Variants in TRIP12 observed in about 807,000 individuals in gnomAD.
TRIP12 encodes thyroid hormone receptor interactor 12, also known as E3 ubiquitin-protein ligase TRIP12.
Under a neutral mutation model 244.2 loss-of-function variants are expected in TRIP12, and 25 were observed. The observed-to-expected ratio is 0.10, with a 90% confidence interval of 0.07 to 0.14. The LOEUF is 0.14. Among genes scored for constraint, TRIP12 ranks in the 10% least tolerant of loss-of-function variants. The pLI is 1.00. For missense variants in TRIP12, 1,677 were observed against 2,486.4 expected (o/e 0.67, Z 6.92); for synonymous variants, 905 against 873.1 (o/e 1.04, Z -0.64).
intron 2 of TRIP12, among the ~76,000 whole-genome samples, chr2:229,875,398 G>A (rs2063405672): frequency 6.6e-6 from 1 of 152,174 alleles, no homozygotes. Flanking sequence ...GAAAAAAACA[G>A]AGTGGGTCAA....
intron 21 of TRIP12, 40 bp from the exon 22 acceptor site, chr2:229,799,423 ACT>A (rs750029349): frequency 1.3e-6 from 2 of 1,541,770 alleles, no homozygotes; most frequent in Admixed American, 3.3e-5. Context: ...AGCAATTACC[ACT>A]GTTTTATATC....
intron 15 of TRIP12, 135 bp from the exon 16 acceptor site, chr2:229,808,504 T>TA: frequency 1.6e-6 from 1 of 627,466 alleles, no homozygotes; most frequent in East Asian, 2.9e-5. Context: ...GAAATTAATG[T>TA]AAAAAATGCA....
chr2:229,840,744 G>A, intron 5 of TRIP12, 78 bp downstream of exon 5: 2 of 986,080 alleles, frequency 2.0e-6, no homozygotes, highest in Non-Finnish European at 1.5e-6. Context: ...AACCTATGGA[G>A]TTAAGTATTT....
At chr2:229,922,650 A>C (rs775007256), upstream of TRIP12, 1 of 1,599,946 alleles carries the variant, frequency 6.3e-7, no homozygotes, top group South Asian at 1.1e-5. Flanking sequence ...CTAACTCCCT[A>C]CCTGGCCCGG....
At chr2:229,791,045 C>T in intron 30 of TRIP12, 79 bp downstream of exon 30, 1 of 1,570,176 alleles carries the variant, frequency 6.4e-7, no homozygotes. Flanking sequence ...CTACTAAATC[C>T]AAATCACTCT....
At chr2:229,849,430 A>G (rs1037426351) in intron 4 of TRIP12, among the ~76,000 whole-genome samples, 1 of 152,146 alleles carries the variant, frequency 6.6e-6, no homozygotes, top group Non-Finnish European at 1.5e-5. Flanking sequence ...TAAGGGGAAC[A>G]CAACAGGGAT....
intron 2 of TRIP12, among the ~76,000 whole-genome samples, chr2:229,864,003 A>T (rs1216923352): frequency 1.3e-5 from 1 of 76,372 alleles, no homozygotes; most frequent in African/African-American, 5.0e-5. Flanking sequence ...GATTTGGGTG[A>T]AAGAGAGAGA....
intron 5 of TRIP12, among the ~76,000 whole-genome samples, chr2:229,837,700 T>C (rs1194042956): frequency 6.6e-6 from 1 of 151,984 alleles, no homozygotes; most frequent in Non-Finnish European, 1.5e-5. Context: ...GGAAAAAAAT[T>C]TCCCAGCCCG....
At chr2:229,897,476 C>T (rs2069184438) in intron 1 of TRIP12, among the ~76,000 whole-genome samples, 1 of 152,066 alleles carries the variant, frequency 6.6e-6, no homozygotes, top group Admixed American at 6.6e-5. Flanking sequence ...GGTGAAACCT[C>T]GTCTCTACTA....
At chr2:229,902,929 T>G (rs1258804932) in intron 1 of TRIP12, among the ~76,000 whole-genome samples, 1 of 152,080 alleles carries the variant, frequency 6.6e-6, no homozygotes, top group Non-Finnish European at 1.5e-5. Context: ...AGACTGCATA[T>G]TAGAAGAATT....
chr2:229,817,214 T>C (rs753863692), intron 9 of TRIP12, among the ~76,000 whole-genome samples: 16 of 152,362 alleles, frequency 1.1e-4, no homozygotes, highest in Admixed American at 5.2e-4. Flanking sequence ...GTATAAATCA[T>C]AACTTCATTT....
chr2:229,836,550 T>G (rs1464122229), intron 6 of TRIP12, among the ~76,000 whole-genome samples: 1 of 152,224 alleles, frequency 6.6e-6, no homozygotes. Context: ...CCTTACATTT[T>G]TACTATGAAT....
At position 229,848,865 on chromosome 2, in the gene TRIP12, A is replaced by C. The variant is rs553862127; in HGVS notation, c.1028-7938T>G. Among the ~76,000 whole-genome samples, 6 of 152,376 alleles carry C rather than the reference A, an allele frequency of 3.9e-5. No homozygotes were observed. The South Asian group carries it at 1.2e-3, about 32-fold the overall frequency. On this transcript the variant is annotated intron_variant, in intron 4 of 41. Coordinates refer to ENST00000675903, the MANE Select transcript of TRIP12 (RefSeq NM_001348323.3). The stretch of plus-strand genomic sequence containing the variant: ...CCCAACCCAGAACTCTATATTCACC[A>C]ATCTGGCAAATAAATATCAGGGTGG...
chr2:229,786,564 A>ATTTTTTTTTT (rs34969936), intron 33 of TRIP12, among the ~76,000 whole-genome samples: 7 of 78,022 alleles, frequency 9.0e-5, no homozygotes, highest in African/African-American at 1.6e-4. Flanking sequence ...CGCCCAGATA[A>ATTTTTTTTTT]TTTTTTTTTT....
intron 34 of TRIP12, among the ~76,000 whole-genome samples, chr2:229,782,807 T>C (rs2038691614): frequency 6.6e-6 from 1 of 152,204 alleles, no homozygotes; most frequent in Non-Finnish European, 1.5e-5. Context: ...ACTCAGTTCA[T>C]GAACTCAGTC....
upstream of TRIP12, chr2:229,922,693 A>G: frequency 7.0e-7 from 1 of 1,436,108 alleles, no homozygotes; most frequent in Non-Finnish European, 9.6e-7. Flanking sequence ...TGCTAGGCCA[A>G]GAGCAACCGT....
chr2:229,902,591 T>C (rs1327414972), intron 1 of TRIP12, among the ~76,000 whole-genome samples: 2 of 152,202 alleles, frequency 1.3e-5, no homozygotes, highest in Non-Finnish European at 2.9e-5. Context: ...AATAAACATA[T>C]TACTGATTAC....
chr2:229,881,448 G>A (rs906675419), intron 1 of TRIP12, among the ~76,000 whole-genome samples: 1 of 152,164 alleles, frequency 6.6e-6, no homozygotes, highest in African/African-American at 2.4e-5. Context: ...TGGTGCCAAA[G>A]AGAATGCAAA....
chr2:229,909,082 T>A (rs2154375788), intron 1 of TRIP12, among the ~76,000 whole-genome samples: 1 of 105,170 alleles, frequency 9.5e-6, no homozygotes. Flanking sequence ...AGAGTGAGAC[T>A]CTGTCTCAAA....
Sources: allele counts gnomAD v4.1 joint callset (sites outside exome capture counted in the v4.1 genomes callset), GRCh38; gene constraint gnomAD v4.1.1; transcripts MANE v1.5; gene names NCBI Gene and HGNC (gene_info 2026-07-23, HGNC 2026-07-21).